Variants in ANKRD42 observed in about 807,000 individuals in gnomAD.
ANKRD42 encodes ankyrin repeat domain-containing protein 42.
ANKRD42 carries 43 observed loss-of-function variants against 51.5 expected under a neutral mutation model. That is an observed-to-expected ratio of 0.83 (90% confidence interval 0.65 to 1.08). ANKRD42 has a LOEUF of 1.08. Ranked by LOEUF, ANKRD42 falls within the 50% of genes least tolerant of loss-of-function variation. The pLI is 0.00. For missense variants in ANKRD42, 608 were observed against 629.3 expected (o/e 0.97, Z 0.36); for synonymous variants, 203 against 213.0 (o/e 0.95, Z 0.41).
chr11:83,248,425 A>C lies in ANKRD42; in HGVS notation c.*221A>C. The C allele has an allele frequency of 1.6e-6, 2 of 1,222,804 alleles. No homozygotes were observed. The highest frequency in any genetic ancestry group is 2.0e-6 in the Non-Finnish European group (2 of 983,566). The allele number at this position is 1,222,804 out of a possible 1,614,324, so 75.7% of individuals were successfully genotyped here. ...GCCTAGTTCATAAGTATTATTGTTAACATTGTACCATAGAAGGAGAAAATG... is the reference window on the plus strand; with the variant it reads ...GCCTAGTTCATAAGTATTATTGTTACCATTGTACCATAGAAGGAGAAAATG... On this transcript the variant is annotated 3_prime_UTR_variant, in exon 11 of 11. Transcript: ENST00000533342.
At chr11:83,225,136 A>C in intron 6 of ANKRD42, 81 bp downstream of exon 6, 1 of 1,262,016 alleles carries the variant, frequency 7.9e-7, no homozygotes, top group Non-Finnish European at 1.1e-6. Context: ...TCAATGAAAT[A>C]GGAAAAGATA....
At chr11:83,233,525 A>G (rs1161129437) in intron 7 of ANKRD42, among the ~76,000 whole-genome samples, 3 of 152,126 alleles carry the variant, frequency 2.0e-5, no homozygotes, top group Non-Finnish European at 4.4e-5. Context: ...CTTTTCAGAA[A>G]AAGCCCAGCT....
chr11:83,212,637 T>A (rs1337633698), intron 5 of ANKRD42: 1 of 1,527,454 alleles, frequency 6.5e-7, no homozygotes, highest in Non-Finnish European at 8.8e-7. Context: ...CCTGATCAAA[T>A]CACTTTGCTA....
intron 7 of ANKRD42, among the ~76,000 whole-genome samples, chr11:83,232,955 T>G (rs1210880088): frequency 6.6e-6 from 1 of 152,198 alleles, no homozygotes; most frequent in Non-Finnish European, 1.5e-5. Context: ...GAAATGATCT[T>G]TCTAATTTAT....
At chr11:83,249,093 C>A, downstream of ANKRD42, 1 of 645,668 alleles carries the variant, frequency 1.5e-6, no homozygotes, top group Non-Finnish European at 1.9e-6. Flanking sequence ...GGACACAGCA[C>A]CATTTATAAC....
At chr11:83,210,093 G>A (rs1415350032) in intron 3 of ANKRD42, 2 of 453,956 alleles carry the variant, frequency 4.4e-6, no homozygotes, top group Non-Finnish European at 7.7e-6. Flanking sequence ...GATTAGAGAG[G>A]AAGTTTTTGT....
At chr11:83,241,810 C>G (rs1203461103) in intron 9 of ANKRD42, among the ~76,000 whole-genome samples, 1 of 152,114 alleles carries the variant, frequency 6.6e-6, no homozygotes, top group Non-Finnish European at 1.5e-5. Context: ...CATTTAAAAA[C>G]AGTATCACTC....
chr11:83,240,948 C>T lies in ANKRD42; in HGVS notation c.1195+14C>T, dbSNP rs1485423055. On this transcript the variant is annotated intron_variant, in intron 9 of 10. Transcript: ENST00000533342. ...CAGATGCCAGAAGTAAGTATGCTGC[C>T]TCTGTTGTGATTTATCCTTTCAGAA... 1.2e-6 allele frequency: 2 copies of T among 1,603,204 alleles called. No homozygotes were observed. Among genetic ancestry groups the T allele is most frequent in the Admixed American group, 1.7e-5 (1 of 57,558 alleles).
intron 6 of ANKRD42, among the ~76,000 whole-genome samples, chr11:83,226,002 GC>G (rs1862871053): frequency 1.3e-5 from 2 of 152,012 alleles, no homozygotes; most frequent in Non-Finnish European, 2.9e-5. Context: ...TGATCCTCCT[GC>G]CCCAGCCTCC....
At chr11:83,210,751 C>T (rs1169140048) in intron 4 of ANKRD42, among the ~76,000 whole-genome samples, 3 of 152,174 alleles carry the variant, frequency 2.0e-5, no homozygotes, top group Non-Finnish European at 4.4e-5. Flanking sequence ...TGTGTGTCTA[C>T]CTATGTGTTT....
chr11:83,257,210 G>C, downstream of ANKRD42: 1 of 414,138 alleles, frequency 2.4e-6, no homozygotes, highest in Non-Finnish European at 4.7e-6. Flanking sequence ...AATGGCTTTA[G>C]TGTCCATGTG....
intron 8 of ANKRD42, 38 bp from the exon 9 acceptor site, chr11:83,240,720 AG>A: frequency 6.2e-7 from 1 of 1,608,820 alleles, no homozygotes; most frequent in Non-Finnish European, 8.5e-7. Flanking sequence ...AGTTTGAAGA[AG>A]ATTGTGGATC....
rs138611129 is a variant in ANKRD42 at position 83,222,606 on chromosome 11, G to A, written c.587-2249G>A. ...AAGCAGATTTTGTGGATATCCTGGA[G>A]GAAGAACATTTCAGGTAGAGGTAAC... On this transcript the variant is annotated intron_variant, in intron 5 of 10. Transcript: ENST00000533342. Among the ~76,000 whole-genome samples, 304 of 152,294 alleles carry A rather than the reference G, an allele frequency of 2.0e-3. 3 individuals carry two copies. Among genetic ancestry groups the A allele is most frequent in the African/African-American group, 6.4e-3 (265 of 41,550 alleles).
chr11:83,253,770 TA>T (rs1278901975), downstream of ANKRD42, among the ~76,000 whole-genome samples: 15 of 152,170 alleles, frequency 9.9e-5, no homozygotes, highest in Admixed American at 2.0e-4. Flanking sequence ...CAGAAACTTT[TA>T]GAATTGGGAG....
chr11:83,242,031 A>G (rs1863401702), intron 9 of ANKRD42, among the ~76,000 whole-genome samples: 2 of 152,198 alleles, frequency 1.3e-5, no homozygotes, highest in Non-Finnish European at 2.9e-5. Flanking sequence ...GGGCTCCTAG[A>G]GTTCCTGATG....
At chr11:83,229,103 G>A (rs115028637) in intron 7 of ANKRD42, among the ~76,000 whole-genome samples, 1,867 of 152,118 alleles carry the variant, frequency 0.012, 35 homozygotes, top group African/African-American at 0.043. Context: ...GAAGGTGGCA[G>A]CAGGTTTGGT....
intron 10 of ANKRD42, among the ~76,000 whole-genome samples, chr11:83,246,525 C>G (rs931234690): frequency 6.6e-6 from 1 of 152,184 alleles, no homozygotes; most frequent in Non-Finnish European, 1.5e-5. Flanking sequence ...GCTTGTCTGT[C>G]TATCTGCTTT....
chr11:83,241,077 T>C (rs1017480431), intron 9 of ANKRD42, 143 bp downstream of exon 9: 17 of 928,530 alleles, frequency 1.8e-5, no homozygotes, highest in African/African-American at 1.0e-4. Context: ...AGAACTAATA[T>C]AAGTTTTTGT....
downstream of ANKRD42, chr11:83,260,311 A>G (rs530077242): frequency 1.5e-4 from 23 of 152,364 alleles, no homozygotes; most frequent in East Asian, 4.4e-3. Flanking sequence ...TTTGGCATAT[A>G]GCAGGCAGTC....
Sources: gnomAD v4.1 joint callset for allele counts (sites outside exome capture counted in the v4.1 genomes callset) on GRCh38, gnomAD v4.1.1 for gene constraint, MANE v1.5 for transcripts, NCBI Gene and HGNC (gene_info 2026-07-23, HGNC 2026-07-21) for gene names.